The following ATP13A2 variants were observed in gnomAD, a reference collection of about 807,000 sequenced individuals.
The protein encoded by ATP13A2 is ATPase cation transporting 13A2, also known as polyamine-transporting ATPase 13A2.
Under a neutral mutation model 138.3 loss-of-function variants are expected in ATP13A2, and 83 were observed. The ratio of observed to expected loss-of-function variants is 0.60; its 90% CI spans 0.50 to 0.72. The LOEUF is 0.72. Ranked by LOEUF, ATP13A2 falls within the 30% of genes least tolerant of loss-of-function variation. The pLI, the probability that ATP13A2 is intolerant of heterozygous loss-of-function variation, is 0.00. For missense variants in ATP13A2, 1,402 were observed against 1,606.4 expected (o/e 0.87, Z 2.17); for synonymous variants, 663 against 699.0 (o/e 0.95, Z 0.81).
Position 17,011,733 on chromosome 1 carries a change from G to T in ATP13A2, c.6C>A (p.Ser2Arg). The change falls in exon 1 of 29, where the codon AGC becomes AGA. Residue 2 changes from serine to arginine, a missense_variant. Physicochemically the swap from Ser to Arg is moderately radical, Grantham distance 110. Transcript: ENST00000326735. The surrounding 1 kb of genome is among the most constrained non-coding windows in gnomAD (Gnocchi z 7.3). Reference protein sequence around the residue: MSADSSPLVGST... With the variant: MRADSSPLVGST... ...CGACCCGGACTCCGCACTCACCTGC[G>T]CTCATGCCGGCTCCTCGCGCTCATC... 1 of 1,469,978 alleles carries T rather than the reference G, an allele frequency of 6.8e-7. No homozygotes were observed. 91.1% of individuals were successfully genotyped at this position (1,469,978 alleles called of 1,614,324 possible).
In ATP13A2 at chr1:17,005,489, G is replaced by C. The variant is rs2077521263; in HGVS notation, c.173C>G (p.Ala58Gly). ...IGYHVVVWMMAGIPLLLFRWK... is the reference protein window; with the variant it reads ...IGYHVVVWMMGGIPLLLFRWK... Reference sequence around the variant, plus strand: ...ACGGAAGAGCAGCAAAGGGATCCCAGCCATCATCCAGACCACGACGTGATA... The same window carrying C: ...ACGGAAGAGCAGCAAAGGGATCCCACCCATCATCCAGACCACGACGTGATA... The change falls in exon 3 of 29, where the codon GCT (alanine) becomes GGT (glycine). Residue 58 changes from alanine to glycine, a missense_variant. Coordinates refer to ENST00000326735, the MANE Select transcript of ATP13A2 (RefSeq NM_022089.4). 6.2e-7 allele frequency: 1 copy of C among 1,614,134 alleles called. No homozygotes were observed. Among genetic ancestry groups the C allele is most frequent in the Admixed American group, 1.7e-5 (1 of 60,012 alleles).
In ATP13A2 at chr1:16,986,636, G is replaced by A; in HGVS notation, c.3236-4C>T. On this transcript the variant is annotated splice_polypyrimidine_tract_variant and splice_region_variant and intron_variant, in intron 27 of 28. Coordinates refer to ENST00000326735, the MANE Select transcript of ATP13A2 (RefSeq NM_022089.4). The surrounding 1 kb of genome is among the most constrained non-coding windows in gnomAD (Gnocchi z 6.9). ...GCCAGGGCCACCAGGAAGGGCACTG[G>A]GAGCAGGAGAGTCTCTCAGGCAGGA... 1.2e-6 allele frequency: 2 copies of A among 1,605,822 alleles called. No homozygotes were observed. The highest frequency in any genetic ancestry group is 8.5e-7 in the Non-Finnish European group (1 of 1,178,194).
chr1:16,987,101 C>G lies in ATP13A2; in HGVS notation c.3028G>C (p.Val1010Leu). The G allele has an allele frequency of 6.2e-7, 1 of 1,613,492 alleles. No individual in the cohort carries two copies. ...PVLSSLLLQM[V>L]LVTGVQLGGY... ...CCTAGCTGCACGCCGGTCACCAGGA[C>G]CATCTGCAGCAGCAGGCTGCTGAGC... Residue 1010 changes from valine to leucine, a missense_variant, in exon 26 of 29, where the codon GTC becomes CTC. Coordinates refer to ENST00000326735, the MANE Select transcript of ATP13A2 (RefSeq NM_022089.4).
rs2077025473 is a variant in ATP13A2, at chr1:16,993,921, G to A, written c.1543-86C>T. The A allele has an allele frequency of 6.1e-6, 7 of 1,152,838 alleles. No individual in the cohort carries two copies. In the South Asian group the frequency reaches 8.1e-5, roughly 13 times the overall value. 71.4% of individuals were successfully genotyped at this position (1,152,838 alleles called of 1,614,324 possible). A position where few individuals can be genotyped will look rare whatever the true frequency, so the allele number is the denominator to read the frequency against. ...TGGGCCTCCAAACCCCAGGCCCGGC[G>A]GACCCTATGGGAACCCCAGGAACTC... On this transcript the variant is annotated intron_variant, in intron 15 of 28. Transcript: ENST00000326735.
rs1211835509 is a variant in ATP13A2, at chr1:16,992,416, G to A, written c.1846-14C>T. ...CGGGGGCTCCTCCTGCAGGGTTGGAGAGGCAGCTGAGGTGCTGGCTGGGGA... is the reference window on the plus strand; with the variant it reads ...CGGGGGCTCCTCCTGCAGGGTTGGAAAGGCAGCTGAGGTGCTGGCTGGGGA... On this transcript the variant is annotated splice_polypyrimidine_tract_variant and intron_variant, in intron 17 of 28. Coordinates refer to ENST00000326735, the MANE Select transcript of ATP13A2 (RefSeq NM_022089.4). The A allele has an allele frequency of 1.2e-6, 2 of 1,613,572 alleles. No individual in the cohort carries two copies. The highest frequency in any genetic ancestry group is 2.2e-5 in the South Asian group (2 of 91,078).
chr1:17,005,659 T>C lies in ATP13A2; in HGVS notation c.105+25A>G, dbSNP rs1485324937. On this transcript the variant is annotated intron_variant, in intron 2 of 28. Coordinates refer to ENST00000326735, the MANE Select transcript of ATP13A2 (RefSeq NM_022089.4). ...CTGGGCATTCACCCCCTGCAGCTTT[T>C]CCCCACCCCACTCTGCCCACTTACC... 3 of 1,613,326 alleles carry C rather than the reference T, an allele frequency of 1.9e-6. No homozygotes were observed. In the East Asian group the frequency reaches 6.7e-5, roughly 36 times the overall value.
In ATP13A2 at chr1:16,996,222, G is replaced by A. The variant is rs548786127; in HGVS notation, c.1353+32C>T. 8.7e-6 allele frequency: 14 copies of A among 1,614,148 alleles called. No homozygotes were observed. The South Asian group carries it at 1.5e-4, about 18-fold the overall frequency. On this transcript the variant is annotated intron_variant, in intron 14 of 28. Transcript: ENST00000326735. ...GCTGGTTGGCCCCTGGGCCCTGCTG[G>A]CAGCACCCCCCACCCCACCCCCAAG...
intron 16 of ATP13A2, among the ~76,000 whole-genome samples, chr1:16,993,365 G>A (rs901312495): frequency 6.6e-6 from 1 of 152,132 alleles, no homozygotes. Flanking sequence ...GCACCACCAC[G>A]CCCGGCTAAT....
In ATP13A2 at chr1:16,997,130, C is replaced by T. The variant is rs767465794; in HGVS notation, c.1085G>A (p.Gly362Glu). 6.2e-7 allele frequency: 1 copy of T among 1,613,730 alleles called. No individual in the cohort carries two copies. Among genetic ancestry groups the T allele is most frequent in the Admixed American group, 1.7e-5 (1 of 60,030 alleles). ...CCGGTGTGTCTCTGCACAGTAGGGC[C>T]CCAGCCCCTCCGGCAGTGCCGTCTT... ...VLKTALPEGL[G>E]PYCAETHRRH... The change falls in exon 12 of 29, where the codon GGG becomes GAG. Residue 362 changes from glycine to glutamate, a missense_variant. Gly to Glu is a moderately conservative substitution (Grantham distance 98, BLOSUM62 -2). Transcript: ENST00000326735.
chr1:16,989,611 TG>T (rs1156780150), intron 23 of ATP13A2, 79 bp downstream of exon 23: 1 of 1,447,752 alleles, frequency 6.9e-7, no homozygotes, highest in Non-Finnish European at 9.7e-7. Context: ...GACAGGGCCC[TG>T]GGGAAGGACA....
rs181968699 is a variant in ATP13A2 at position 16,994,551 on chromosome 1, G to A, written c.1543-716C>T. Among the ~76,000 whole-genome samples the A allele has an allele frequency of 2.0e-3, 307 of 152,074 alleles. 1 individual carries two copies. Among genetic ancestry groups the A allele is most frequent in the African/African-American group, 7.1e-3 (294 of 41,514 alleles). On this transcript the variant is annotated intron_variant, in intron 15 of 28. Coordinates refer to ENST00000326735, the MANE Select transcript of ATP13A2 (RefSeq NM_022089.4). Reference sequence around the variant, plus strand: ...CCCAGCCTCAATATATCTGTTGAATGAGCGCATGAGTCAGTGCCTGCGTTC... The same window carrying A: ...CCCAGCCTCAATATATCTGTTGAATAAGCGCATGAGTCAGTGCCTGCGTTC...
chr1:16,986,002 C>G lies in ATP13A2; in HGVS notation c.*219G>C. 1 of 1,455,276 alleles carries G rather than the reference C, an allele frequency of 6.9e-7. No individual in the cohort carries two copies. The highest frequency in any genetic ancestry group is 9.1e-7 in the Non-Finnish European group (1 of 1,102,102). 90.1% of individuals were successfully genotyped at this position (1,455,276 alleles called of 1,614,324 possible). On this transcript the variant is annotated 3_prime_UTR_variant, in exon 29 of 29. Coordinates refer to ENST00000326735, the MANE Select transcript of ATP13A2 (RefSeq NM_022089.4). This position sits in a 1 kb window ranked among gnomAD's most constrained non-coding sequence, Gnocchi z 6.9. ...TTTATTTGCTACACTGACAGCAGCA[C>G]TGAGGGGAGCTGGGGGCTGCCACCC...
intron 7 of ATP13A2, 84 bp from the exon 8 acceptor site, chr1:17,002,187 C>G (rs1557707785): frequency 1.3e-6 from 2 of 1,573,044 alleles, no homozygotes; most frequent in Admixed American, 1.9e-5. Context: ...CCACTTTCAG[C>G]TGGGGGAACT....
chr1:16,999,208 C>T (rs2077251168), intron 11 of ATP13A2, among the ~76,000 whole-genome samples: 1 of 151,760 alleles, frequency 6.6e-6, no homozygotes, highest in African/African-American at 2.4e-5. Context: ...TGGTGAAACC[C>T]CATCTCAACT....
intron 16 of ATP13A2, 89 bp from the exon 17 acceptor site, chr1:16,992,670 A>C: frequency 7.4e-7 from 1 of 1,350,548 alleles, no homozygotes; most frequent in East Asian, 2.3e-5. Flanking sequence ...CCTTCATGGG[A>C]GACTGAATGG....
chr1:17,005,889 CTT>C, intron 1 of ATP13A2, 111 bp from the exon 2 acceptor site: 1 of 1,009,768 alleles, frequency 9.9e-7, no homozygotes, highest in South Asian at 1.5e-5. Flanking sequence ...AATCCCAGCA[CTT>C]TGGGAGGCCG....
At chr1:17,010,025 TG>T (rs1426805731) in intron 1 of ATP13A2, among the ~76,000 whole-genome samples, 1 of 152,030 alleles carries the variant, frequency 6.6e-6, no homozygotes, top group Non-Finnish European at 1.5e-5. Flanking sequence ...CCACAGGCTG[TG>T]TGGGGGGGCG....
intron 20 of ATP13A2, 139 bp from the exon 21 acceptor site, chr1:16,990,426 A>G (rs1327908518): frequency 1.8e-6 from 2 of 1,099,258 alleles, no homozygotes; most frequent in African/African-American, 3.1e-5. Flanking sequence ...GGTTACCAAC[A>G]TCCCTTTGCC....
rs773768330 is a variant in ATP13A2, at chr1:17,000,407, G to A, written c.833C>T (p.Thr278Ile). ...SISICLSLYK[T>I]RKQSQTLRDM... ...CCACCTTATGGCACTCACCTTTCTG[G>A]TCTTGTACAGCGACAGGCAGATGGA... Residue 278 changes from threonine (T) to isoleucine (I), a missense_variant, in exon 9 of 29, where the codon ACC becomes ATC. Thr to Ile is a moderately conservative substitution (Grantham distance 89). Coordinates refer to ENST00000326735, the MANE Select transcript of ATP13A2 (RefSeq NM_022089.4). The A allele has an allele frequency of 2.5e-6, 4 of 1,613,078 alleles. No individual in the cohort carries two copies. Among genetic ancestry groups the A allele is most frequent in the Non-Finnish European group, 3.4e-6 (4 of 1,179,496 alleles).
Sources: allele counts gnomAD v4.1 joint callset (sites outside exome capture counted in the v4.1 genomes callset), GRCh38; gene constraint gnomAD v4.1.1; non-coding constraint Gnocchi (gnomAD v3.1); transcripts MANE v1.5; gene names NCBI Gene and HGNC (gene_info 2026-07-23, HGNC 2026-07-21).